CCDC134: variants seen among roughly 807,000 people sequenced by gnomAD.
CCDC134 encodes the protein coiled-coil domain-containing protein 134.
Under a neutral mutation model 25.6 loss-of-function variants are expected in CCDC134, and 27 were observed. The observed-to-expected ratio is 1.05, with a 90% CI of 0.78 to 1.45. The LOEUF (loss-of-function observed/expected upper bound fraction) is 1.45. Among genes scored for constraint, CCDC134 ranks in the 40% most tolerant of loss-of-function variants. CCDC134 has a pLI of 0.00. For synonymous variants in CCDC134, 110 were observed against 115.0 expected (o/e 0.96, Z 0.28); for missense variants, 261 against 286.7 (o/e 0.91, Z 0.65).
rs749196822 is a variant in CCDC134, at chr22:41,809,008, T to C, written c.103+15T>C. The C allele has an allele frequency of 6.3e-7, 1 of 1,594,986 alleles. No homozygotes were observed. Among genetic ancestry groups the C allele is most frequent in the African/African-American group, 1.3e-5 (1 of 74,382 alleles). ...CCTGGAGATCTGTATCCTTTGGGGT[T>C]GTAGTTAATGAGCTGTCTTTGAGAG... On this transcript the variant is annotated intron_variant, in intron 2 of 6. Coordinates refer to ENST00000255784, the MANE Select transcript of CCDC134 (RefSeq NM_024821.5).
chr22:41,828,574 G>A lies in CCDC134; in HGVS notation c.*2751G>A, dbSNP rs187650775. On this transcript the variant is annotated 3_prime_UTR_variant, in exon 7 of 7. Transcript: ENST00000255784. Reference sequence around the variant, plus strand: ...AGAAACAAATAGAACTACTCCACTCGCTCCCTCTCTCCCTCCCTTTACTGC... The same window carrying A: ...AGAAACAAATAGAACTACTCCACTCACTCCCTCTCTCCCTCCCTTTACTGC... Among the ~76,000 whole-genome samples, 4 of 152,092 alleles carry A rather than the reference G, an allele frequency of 2.6e-5. No homozygotes were observed. Among genetic ancestry groups the A allele is most frequent in the South Asian group, 2.1e-4 (1 of 4,822 alleles).
chr22:41,802,227 G>A (rs187573060), intron 1 of CCDC134, among the ~76,000 whole-genome samples: 2 of 152,274 alleles, frequency 1.3e-5, no homozygotes, highest in African/African-American at 2.4e-5. Context: ...TAACACAAAC[G>A]ACTCTGTTTT....
chr22:41,813,405 G>GC lies in CCDC134; in HGVS notation c.453dup (p.Val152ArgfsTer22). On this transcript the variant is annotated frameshift_variant, in exon 5 of 7. Coordinates refer to ENST00000255784, the MANE Select transcript of CCDC134 (RefSeq NM_024821.5). LOFTEE classifies it high-confidence loss of function. The stretch of plus-strand genomic sequence containing the variant: ...GGTATCAGTTTCTGCAACCAGACAG[G>GC]CGTCTTCAACCAGGGGCCCCACTCG... 1.9e-6 allele frequency: 3 copies of GC among 1,614,202 alleles called. No individual in the cohort carries two copies. Among genetic ancestry groups the GC allele is most frequent in the Non-Finnish European group, 2.5e-6 (3 of 1,180,040 alleles).
chr22:41,815,128 T>C (rs868854498), intron 6 of CCDC134, among the ~76,000 whole-genome samples: 4 of 151,600 alleles, frequency 2.6e-5, no homozygotes, highest in Admixed American at 2.0e-4. Flanking sequence ...AGGGCCATGA[T>C]GGATTGCCAC....
intron 1 of CCDC134, 92 bp downstream of exon 1, chr22:41,800,858 G>A (rs903212530): frequency 6.6e-6 from 1 of 152,308 alleles, no homozygotes; most frequent in African/African-American, 2.4e-5. Flanking sequence ...GGTGGGGAGG[G>A]AGTTTCGTGG....
chr22:41,816,044 C>G (rs565813915), intron 6 of CCDC134, among the ~76,000 whole-genome samples: 4 of 152,174 alleles, frequency 2.6e-5, no homozygotes, highest in Non-Finnish European at 4.4e-5. Context: ...AGGATATTGT[C>G]TAAGACCAAT....
chr22:41,821,069 C>T (rs540930761), intron 6 of CCDC134, among the ~76,000 whole-genome samples: 2 of 152,136 alleles, frequency 1.3e-5, no homozygotes, highest in Non-Finnish European at 2.9e-5. Flanking sequence ...AAGAGTTTCC[C>T]AGAGGCCACA....
chr22:41,800,892 G>A (rs991711983), intron 1 of CCDC134, 126 bp downstream of exon 1: 6 of 152,246 alleles, frequency 3.9e-5, no homozygotes, highest in African/African-American at 1.4e-4. Flanking sequence ...TGTTCCTTGA[G>A]AAGGCTCGCT....
chr22:41,806,786 G>C (rs777534569), intron 1 of CCDC134, among the ~76,000 whole-genome samples: 9 of 151,922 alleles, frequency 5.9e-5, no homozygotes, highest in Admixed American at 1.3e-4. Flanking sequence ...GGTGGCTCAC[G>C]ACTGTAATCC....
chr22:41,819,806 AG>A (rs1424482858), intron 6 of CCDC134, among the ~76,000 whole-genome samples: 1 of 151,464 alleles, frequency 6.6e-6, no homozygotes, highest in Non-Finnish European at 1.5e-5. Flanking sequence ...AGGAGCAGCA[AG>A]TGCAAAGGCT....
Position 41,813,311 on chromosome 22 carries a change from C to T in CCDC134, c.358C>T (p.Leu120=), listed in dbSNP as rs2076605995. The T allele has an allele frequency of 6.2e-7, 1 of 1,614,190 alleles. No individual in the cohort carries two copies. Among genetic ancestry groups the T allele is most frequent in the South Asian group, 1.1e-5 (1 of 91,088 alleles). Residue 120 remains leucine (L), a synonymous_variant, in exon 5 of 7, where the codon CTG becomes TTG. Coordinates refer to ENST00000255784, the MANE Select transcript of CCDC134 (RefSeq NM_024821.5). The part of the protein sequence containing the change: ...ENTAFFGDVV[L]RFPRIVHYYF... ...CACGGCCTTCTTCGGCGATGTGGTG[C>T]TGCGCTTCCCGAGGATTGTGCACTA...
chr22:41,809,715 G>A (rs2076584914), intron 2 of CCDC134, among the ~76,000 whole-genome samples, 164 bp from the exon 3 acceptor site: 1 of 152,224 alleles, frequency 6.6e-6, no homozygotes, highest in Non-Finnish European at 1.5e-5. Context: ...GTGCGTTGCA[G>A]GTCCATGCAC....
chr22:41,810,021 G>A (rs749800016), intron 3 of CCDC134, 21 bp downstream of exon 3: 4 of 1,613,398 alleles, frequency 2.5e-6, no homozygotes, highest in Non-Finnish European at 3.4e-6. Context: ...GCAGGGGGCA[G>A]CTCATGGCAG....
chr22:41,809,329 C>T (rs2076583025), intron 2 of CCDC134, among the ~76,000 whole-genome samples: 1 of 152,150 alleles, frequency 6.6e-6, no homozygotes, highest in Non-Finnish European at 1.5e-5. Context: ...TGCTCCAGGC[C>T]AGGCCTCAAG....
intron 6 of CCDC134, among the ~76,000 whole-genome samples, chr22:41,818,666 T>C (rs565789298): frequency 6.6e-6 from 1 of 152,342 alleles, no homozygotes; most frequent in Non-Finnish European, 1.5e-5. Flanking sequence ...TCGGGGATGC[T>C]GTTTCCTCAG....
intron 6 of CCDC134, among the ~76,000 whole-genome samples, chr22:41,817,211 C>T (rs1333957878): frequency 6.6e-6 from 1 of 152,100 alleles, no homozygotes; most frequent in Non-Finnish European, 1.5e-5. Context: ...AATATACAGT[C>T]CTCTGTTTTG....
chr22:41,820,343 A>G lies in CCDC134; in HGVS notation c.565-5355A>G, dbSNP rs568667980. Among the ~76,000 whole-genome samples, 10 of 151,952 alleles carry G rather than the reference A, an allele frequency of 6.6e-5. No homozygotes were observed. In the South Asian group the frequency reaches 2.1e-3, roughly 32 times the overall value. ...AGACAGATTTTTGCTCTTGTTGCCC[A>G]GGCTGGAGTGCAATGGTGCGATCTT... is the stretch of plus-strand genomic sequence containing the variant. On this transcript the variant is annotated intron_variant, in intron 6 of 6. Coordinates refer to ENST00000255784, the MANE Select transcript of CCDC134 (RefSeq NM_024821.5).
intron 2 of CCDC134, 52 bp downstream of exon 2, chr22:41,809,045 A>T (rs2076581975): frequency 6.9e-7 from 1 of 1,442,380 alleles, no homozygotes; most frequent in Admixed American, 1.9e-5. Flanking sequence ...TCTATAAATG[A>T]GGTTCTTCTA....
intron 6 of CCDC134, among the ~76,000 whole-genome samples, chr22:41,817,498 G>A (rs992292317): frequency 2.0e-5 from 3 of 152,036 alleles, no homozygotes; most frequent in East Asian, 3.9e-4. Context: ...CTTAGGGACC[G>A]AGGCAGGCGG....
Sources: allele counts gnomAD v4.1 joint callset (sites outside exome capture counted in the v4.1 genomes callset), GRCh38; gene constraint gnomAD v4.1.1; transcripts MANE v1.5; gene names NCBI Gene and HGNC (gene_info 2026-07-23, HGNC 2026-07-21).